Variants in GTF2F2 observed in about 807,000 individuals in gnomAD.
GTF2F2 encodes general transcription factor IIF subunit 2.
GTF2F2 carries 23 observed loss-of-function variants against 42.2 expected under a neutral mutation model. The ratio of observed to expected loss-of-function variants is 0.55; its 90% CI spans 0.39 to 0.77. The LOEUF is 0.77. GTF2F2 is among the 30% of genes least tolerant of loss of function. The pLI is 0.00. For missense variants in GTF2F2, 261 were observed against 287.2 expected (o/e 0.91, Z 0.66); for synonymous variants, 105 against 100.8 (o/e 1.04, Z -0.25).
At chr13:45,271,302 C>G (rs761478301) in intron 7 of GTF2F2, among the ~76,000 whole-genome samples, 6 of 151,756 alleles carry the variant, frequency 4.0e-5, no homozygotes, top group Non-Finnish European at 8.8e-5. Context: ...AGAAAACTAG[C>G]GCTGATTATA....
chr13:45,153,623 C>G (rs547343220), intron 4 of GTF2F2, among the ~76,000 whole-genome samples: 33 of 152,118 alleles, frequency 2.2e-4, no homozygotes, highest in Non-Finnish European at 4.4e-5. Context: ...ATAGTATAGG[C>G]CTATCTAAAA....
At position 45,284,765 on chromosome 13, in the gene GTF2F2, C is replaced by A. The variant is rs1317641045; in HGVS notation, c.*1204C>A. 6.6e-6 allele frequency: 1 copy of A among 152,102 alleles called. No individual in the cohort carries two copies. Among genetic ancestry groups the A allele is most frequent in the African/African-American group, 2.4e-5 (1 of 41,428 alleles). 9.4% of individuals were successfully genotyped at this position (152,102 alleles called of 1,614,324 possible). The stretch of plus-strand genomic sequence containing the variant: ...ATAATTAAAGCAAGAAGATATCTAT[C>A]CATTGAGAAAAACAATTTTTATATT... On this transcript the variant is annotated 3_prime_UTR_variant, in exon 8 of 8. Coordinates refer to ENST00000340473, the MANE Select transcript of GTF2F2 (RefSeq NM_004128.3).
intron 7 of GTF2F2, 146 bp downstream of exon 7, chr13:45,267,522 C>A: frequency 1.8e-6 from 1 of 541,508 alleles, no homozygotes; most frequent in Admixed American, 3.4e-5. Flanking sequence ...TGTCTTAATG[C>A]AGCCATTTTT....
intron 2 of GTF2F2, among the ~76,000 whole-genome samples, chr13:45,148,444 A>G (rs563230208): frequency 6.6e-6 from 1 of 152,098 alleles, no homozygotes; most frequent in Non-Finnish European, 1.5e-5. Flanking sequence ...CTCATTTGTG[A>G]TCAGACCCTT....
intron 2 of GTF2F2, among the ~76,000 whole-genome samples, chr13:45,148,279 C>CT (rs895758182): frequency 6.6e-5 from 10 of 152,252 alleles, no homozygotes; most frequent in African/African-American, 2.4e-4. Flanking sequence ...ACTTGTTATT[C>CT]TTTTGGTCAA....
rs57570023 is a variant in GTF2F2 at position 45,228,669 on chromosome 13, C to CTTTTTTTTTTTTT, written c.386+21170_386+21182dup. On this transcript the variant is annotated intron_variant, in intron 5 of 7. Coordinates refer to ENST00000340473, the MANE Select transcript of GTF2F2 (RefSeq NM_004128.3). ...TCTCCTTATTGCTGCCAGAGTTAAT[C>CTTTTTTTTTTTTT]TTTTTTTTTTTTTTTTTTGAGACGG... Among the ~76,000 whole-genome samples, 21 of 108,298 alleles carry CTTTTTTTTTTTTT rather than the reference C, an allele frequency of 1.9e-4. 1 individual carries two copies. The highest frequency in any genetic ancestry group is 9.1e-4 in the African/African-American group (19 of 20,946). The allele number at this position is 108,298 out of a possible 152,430, so 71.0% of individuals were successfully genotyped here. A position where few individuals can be genotyped will look rare whatever the true frequency, so the allele number is the denominator to read the frequency against.
At chr13:45,127,321 T>G (rs1250423430) in intron 1 of GTF2F2, among the ~76,000 whole-genome samples, 1 of 82,554 alleles carries the variant, frequency 1.2e-5, no homozygotes, top group East Asian at 2.1e-4. Context: ...CACAATCTGC[T>G]TTTTTTTTTG....
intron 6 of GTF2F2, among the ~76,000 whole-genome samples, chr13:45,266,892 T>C (rs1045758330): frequency 2.6e-5 from 4 of 152,104 alleles, no homozygotes; most frequent in African/African-American, 9.7e-5. Flanking sequence ...TCACACCTGT[T>C]ATCCCGACAC....
chr13:45,182,338 C>G (rs879287322), intron 4 of GTF2F2, among the ~76,000 whole-genome samples: 1 of 151,952 alleles, frequency 6.6e-6, no homozygotes, highest in Admixed American at 6.6e-5. Flanking sequence ...CTCAGGTGAT[C>G]CACCTGCCTC....
At chr13:45,130,072 T>C (rs1489610989) in intron 1 of GTF2F2, among the ~76,000 whole-genome samples, 2 of 152,324 alleles carry the variant, frequency 1.3e-5, no homozygotes, top group East Asian at 1.9e-4. Context: ...GTTGAAGATA[T>C]GGGATAGGAT....
intron 4 of GTF2F2, among the ~76,000 whole-genome samples, chr13:45,173,371 G>C (rs1341775986): frequency 7.1e-6 from 1 of 141,478 alleles, no homozygotes; most frequent in Admixed American, 7.1e-5. Context: ...GTACTTAACT[G>C]TGTGTGTGTG....
chr13:45,252,888 C>A lies in GTF2F2; in HGVS notation c.404C>A (p.Ser135Tyr). ...TTTTTCAGATTGCAAATAGAAGAGTCTTCCAAACCAGTGAGGCTATCACAA... is the reference window on the plus strand; with the variant it reads ...TTTTTCAGATTGCAAATAGAAGAGTATTCCAAACCAGTGAGGCTATCACAA... ...MRLKRLQIEE[S>Y]SKPVRLSQQL... The change falls in exon 6 of 8, where the codon TCT becomes TAT. Residue 135 changes from serine (S) to tyrosine (Y), a missense_variant. Ser to Tyr is a moderately radical substitution (Grantham distance 144, BLOSUM62 -2). Transcript: ENST00000340473. The A allele has an allele frequency of 6.7e-7, 1 of 1,490,740 alleles. No homozygotes were observed. The highest frequency in any genetic ancestry group is 9.0e-7 in the Non-Finnish European group (1 of 1,114,018). The allele number at this position is 1,490,740 out of a possible 1,614,324, so 92.3% of individuals were successfully genotyped here.
At chr13:45,135,739 C>T (rs867754381) in intron 1 of GTF2F2, among the ~76,000 whole-genome samples, 24 of 152,158 alleles carry the variant, frequency 1.6e-4, no homozygotes, top group African/African-American at 5.8e-4. Flanking sequence ...CTTTCCTTCT[C>T]AGCTTTGGCA....
chr13:45,126,006 T>G (rs1868975732), intron 1 of GTF2F2, among the ~76,000 whole-genome samples: 1 of 152,078 alleles, frequency 6.6e-6, no homozygotes, highest in Admixed American at 6.6e-5. Context: ...CTTTCTTTAG[T>G]GGAGGCAATT....
chr13:45,281,180 T>C (rs1163803339), intron 7 of GTF2F2, among the ~76,000 whole-genome samples: 1 of 152,134 alleles, frequency 6.6e-6, no homozygotes, highest in Non-Finnish European at 1.5e-5. Context: ...AAGCCAACTG[T>C]ATAAGGTGTG....
chr13:45,252,827 T>C (rs1875934847), intron 5 of GTF2F2, 44 bp from the exon 6 acceptor site: 1 of 780,344 alleles, frequency 1.3e-6, no homozygotes, highest in African/African-American at 1.8e-5. Context: ...CATATTTCAC[T>C]CTGCTAAACA....
At chr13:45,194,697 G>T in intron 4 of GTF2F2, 2 of 807,976 alleles carry the variant, frequency 2.5e-6, no homozygotes, top group Middle Eastern at 3.5e-4. Context: ...AGCATCGCCT[G>T]CGCTGTCAGC....
intron 4 of GTF2F2, among the ~76,000 whole-genome samples, chr13:45,195,097 C>G (rs764662622): frequency 6.6e-6 from 1 of 151,838 alleles, no homozygotes; most frequent in Non-Finnish European, 1.5e-5. Context: ...TTTTCTTTCC[C>G]GGAAAAAGTC....
At chr13:45,233,898 G>A (rs139813128) in intron 5 of GTF2F2, among the ~76,000 whole-genome samples, 1 of 152,308 alleles carries the variant, frequency 6.6e-6, no homozygotes, top group East Asian at 1.9e-4. Context: ...GGGCAACAGA[G>A]CGCGTCTCTG....
Sources: gnomAD v4.1 joint callset for allele counts (sites outside exome capture counted in the v4.1 genomes callset) on GRCh38, gnomAD v4.1.1 for gene constraint, MANE v1.5 for transcripts, NCBI Gene and HGNC (gene_info 2026-07-23, HGNC 2026-07-21) for gene names.